GRM4: variants seen among roughly 807,000 people sequenced by gnomAD.
GRM4 encodes metabotropic glutamate receptor 4.
GRM4 carries 28 observed loss-of-function variants against 81.7 expected under a neutral mutation model. The observed-to-expected ratio is 0.34, with a 90% CI of 0.25 to 0.47. The LOEUF (loss-of-function observed/expected upper bound fraction) is 0.47, where lower values mean the gene tolerates loss of function less well. Among genes scored for constraint, GRM4 ranks in the 20% least tolerant of loss-of-function variants. The pLI, the probability that GRM4 is intolerant of heterozygous loss-of-function variation, is 1.00. For synonymous variants in GRM4, 488 were observed against 528.8 expected (o/e 0.92, Z 1.06); for missense variants, 948 against 1,290.0 (o/e 0.73, Z 4.06).
chr6:34,063,072 G>A (rs2127462999), intron 3 of GRM4: 1 of 152,218 alleles, frequency 6.6e-6, no homozygotes, highest in African/African-American at 2.4e-5. Context: ...GATTAATCTT[G>A]AAGCCGGTCT....
At position 34,089,751 on chromosome 6, in the gene GRM4, A is replaced by T. The variant is rs188867515; in HGVS notation, c.736+2132T>A. On this transcript the variant is annotated intron_variant, in intron 3 of 10. Coordinates refer to ENST00000538487, the MANE Select transcript of GRM4 (RefSeq NM_000841.4). This position sits in a 1 kb window ranked among gnomAD's most constrained non-coding sequence, Gnocchi z 4.3. ...GCCCAATACTTGATTAGATGTTGAT[A>T]AAAAAAAAATTAAACAATAGGCTTA... 8.0e-3 allele frequency among the ~76,000 whole-genome samples: 1,182 copies of T among 148,506 alleles called. 7 individuals carry two copies. Among genetic ancestry groups the T allele is most frequent in the South Asian group, 0.019 (88 of 4,740 alleles).
Position 34,035,782 on chromosome 6 carries a change from G to A in GRM4, c.2328C>T (p.Gly776=), listed in dbSNP as rs775983593. ...TGGCCTCATTGAAGGTCTCGGGCAC[G>A]CCGCGTGTCTTGATGGCATACACGG... ...TCTVYAIKTR[G]VPETFNEAKP... Residue 776 remains glycine (G), a synonymous_variant, in exon 9 of 11, where the codon GGC becomes GGT. Transcript: ENST00000538487. The surrounding 1 kb of genome is among the most constrained non-coding windows in gnomAD (Gnocchi z 6.6). 120 of 1,613,524 alleles carry A rather than the reference G, an allele frequency of 7.4e-5. 1 individual carries two copies. Among genetic ancestry groups the A allele is most frequent in the South Asian group, 4.5e-4 (41 of 91,070 alleles).
Position 34,091,863 on chromosome 6 carries a change from C to A in GRM4, c.736+20G>T, listed in dbSNP as rs766578330. On this transcript the variant is annotated intron_variant, in intron 3 of 10. Coordinates refer to ENST00000538487, the MANE Select transcript of GRM4 (RefSeq NM_000841.4). ...CACCCCCGAGCCTGGCATGACTCTGCGGCCAGGCGTTTGACTCACCGTCCT... is the reference window on the plus strand; with the variant it reads ...CACCCCCGAGCCTGGCATGACTCTGAGGCCAGGCGTTTGACTCACCGTCCT... 3.8e-6 allele frequency: 6 copies of A among 1,558,466 alleles called. No individual in the cohort carries two copies. The highest frequency in any genetic ancestry group is 1.4e-5 in the African/African-American group (1 of 73,940).
At chr6:34,097,469 C>A (rs1768597018) in intron 2 of GRM4, among the ~76,000 whole-genome samples, 1 of 151,780 alleles carries the variant, frequency 6.6e-6, no homozygotes, top group African/African-American at 2.4e-5. Context: ...ATGTGTGTAT[C>A]CAGGCACACA....
At chr6:34,041,259 G>T (rs1030756794) in intron 6 of GRM4, among the ~76,000 whole-genome samples, 1 of 152,152 alleles carries the variant, frequency 6.6e-6, no homozygotes. Context: ...CTCACCCCAG[G>T]GTATGGGTAG....
chr6:34,133,946 G>T lies in GRM4; in HGVS notation c.-363-87C>A. ...CTCATCTCTCATCAGGAGCCTGAGAGAAGGAGATGCTAGAGGTTATCGCCG... is the reference window on the plus strand; with the variant it reads ...CTCATCTCTCATCAGGAGCCTGAGATAAGGAGATGCTAGAGGTTATCGCCG... On this transcript the variant is annotated intron_variant, in intron 1 of 10. Transcript: ENST00000538487. This position sits in a 1 kb window ranked among gnomAD's most constrained non-coding sequence, Gnocchi z 6.5. The T allele has an allele frequency of 3.7e-6, 2 of 540,640 alleles. No individual in the cohort carries two copies. The highest frequency in any genetic ancestry group is 4.7e-6 in the Non-Finnish European group (2 of 421,640). The allele number at this position is 540,640 out of a possible 1,614,324, so 33.5% of individuals were successfully genotyped here. A position where few individuals can be genotyped will look rare whatever the true frequency, so the allele number is the denominator to read the frequency against.
Position 34,056,584 on chromosome 6 carries a change from G to A in GRM4, c.1128C>T (p.Arg376=). 1 of 1,613,458 alleles carries A rather than the reference G, an allele frequency of 6.2e-7. No individual in the cohort carries two copies. The highest frequency in any genetic ancestry group is 8.5e-7 in the Non-Finnish European group (1 of 1,179,922). The change falls in exon 6 of 11, where the codon CGC becomes CGT. Residue 376 remains arginine (R), a synonymous_variant. Coordinates refer to ENST00000538487, the MANE Select transcript of GRM4 (RefSeq NM_000841.4). ...WEDNFHCKLS[R]HALKKGSHVK... is the part of the protein sequence containing the mutation. ...CGTGGCTGCCCTTCTTGAGGGCGTGGCGGCTCAGCTTGCAGTGGAAGTTGT... is the reference window on the plus strand; with the variant it reads ...CGTGGCTGCCCTTCTTGAGGGCGTGACGGCTCAGCTTGCAGTGGAAGTTGT...
chr6:34,024,242 A>C (rs911836186), intron 10 of GRM4: 15 of 165,054 alleles, frequency 9.1e-5, no homozygotes, highest in Non-Finnish European at 1.5e-4. Flanking sequence ...TCCTCATGAA[A>C]TACACATGGA....
chr6:34,040,641 C>T lies in GRM4; in HGVS notation c.1276G>A (p.Asp426Asn), dbSNP rs961283554. 4.3e-6 allele frequency: 7 copies of T among 1,614,156 alleles called. No individual in the cohort carries two copies. In the East Asian group the frequency reaches 6.7e-5, roughly 15 times the overall value. ...AGCCCCACGCGGCCGGGACACAGGT[C>T]ACGGTGCATGGCGTGCAGCGCGTGG... ...MGHALHAMHR[D>N]LCPGRVGLCP... Residue 426 changes from aspartate to asparagine, a missense_variant, in exon 7 of 11, where the codon GAC becomes AAC. By Grantham distance (23) the Asp-to-Asn change is conservative. Transcript: ENST00000538487.
rs763559935 is a variant in GRM4, at chr6:34,152,920, G to A, written c.312+2159C>T. ...GGGCCTGCAGAGACCCAGGCTGGGG[G>A]TGGAGTAGGTGGCACACCGGAGCCC... On this transcript the variant is annotated intron_variant, in intron 1 of 8. Coordinates refer to the GRM4 transcript ENST00000374177. The surrounding 1 kb of genome is among the most constrained non-coding windows in gnomAD (Gnocchi z 4.1). 6.6e-6 allele frequency among the ~76,000 whole-genome samples: 1 copy of A among 152,116 alleles called. No individual in the cohort carries two copies. Among genetic ancestry groups the A allele is most frequent in the African/African-American group, 2.4e-5 (1 of 41,412 alleles).
rs1482315884 is a variant in GRM4, at chr6:34,042,804, T to C, written c.1169-2056A>G. The stretch of plus-strand genomic sequence containing the variant: ...AGGCAGACCCAGGGTGCAGGGGATC[T>C]CACTGCCTCTCCCTGAGGCAGTACC... On this transcript the variant is annotated intron_variant, in intron 6 of 10. Coordinates refer to ENST00000538487, the MANE Select transcript of GRM4 (RefSeq NM_000841.4). The surrounding 1 kb of genome is among the most constrained non-coding windows in gnomAD (Gnocchi z 4.2). 8.5e-5 allele frequency among the ~76,000 whole-genome samples: 13 copies of C among 152,224 alleles called. No homozygotes were observed. Among genetic ancestry groups the C allele is most frequent in the Admixed American group, 4.6e-4 (7 of 15,302 alleles).
rs796158102 is a variant in GRM4, at chr6:34,052,570, G to A, written c.1168+3974C>T. On this transcript the variant is annotated intron_variant, in intron 6 of 10. Coordinates refer to ENST00000538487, the MANE Select transcript of GRM4 (RefSeq NM_000841.4). ...GTGAGACCTTGAGCAGGGCAGGCCTGTGGGACTGAAACAGAGGCCGACTAT... is the reference window on the plus strand; with the variant it reads ...GTGAGACCTTGAGCAGGGCAGGCCTATGGGACTGAAACAGAGGCCGACTAT... Among the ~76,000 whole-genome samples, 2 of 152,354 alleles carry A rather than the reference G, an allele frequency of 1.3e-5. 1 individual carries two copies. The highest frequency in any genetic ancestry group is 4.8e-5 in the African/African-American group (2 of 41,574).
intron 2 of GRM4, among the ~76,000 whole-genome samples, chr6:34,108,643 G>A (rs961955664): frequency 6.6e-6 from 1 of 152,120 alleles, no homozygotes; most frequent in African/African-American, 2.4e-5. Flanking sequence ...CCTGATTTGG[G>A]GTGGGCCTCT....
upstream of GRM4, among the ~76,000 whole-genome samples, chr6:34,150,571 T>A (rs1169291936): frequency 6.6e-6 from 1 of 152,118 alleles, no homozygotes; most frequent in Non-Finnish European, 1.5e-5. Context: ...TCCAATTGTC[T>A]GCTCCAGAGT....
chr6:34,059,041 A>G lies in GRM4; in HGVS notation c.960T>C (p.Pro320=), dbSNP rs747764580. The G allele has an allele frequency of 6.2e-7, 1 of 1,613,822 alleles. No homozygotes were observed. Among genetic ancestry groups the G allele is most frequent in the Non-Finnish European group, 8.5e-7 (1 of 1,179,852 alleles). ...GSDSWGSKIA[P]VLHLEEVAEG... ...CAGCCACCTCCTCCAGGTGCAGCAC[A>G]GGTGCAATCTTGGAGCCCCAGCTGT... Residue 320 remains proline (P), a synonymous_variant, in exon 5 of 11, where the codon CCT becomes CCC. Coordinates refer to ENST00000538487, the MANE Select transcript of GRM4 (RefSeq NM_000841.4). This position sits in a 1 kb window ranked among gnomAD's most constrained non-coding sequence, Gnocchi z 5.7.
At chr6:34,040,135 C>G in intron 8 of GRM4, 43 bp downstream of exon 8, 1 of 1,597,250 alleles carries the variant, frequency 6.3e-7, no homozygotes, top group South Asian at 1.1e-5. Flanking sequence ...GGGGCTGGAA[C>G]TGCGTGAGTC....
At chr6:34,109,022 C>T (rs1465008890) in intron 2 of GRM4, among the ~76,000 whole-genome samples, 1 of 152,186 alleles carries the variant, frequency 6.6e-6, no homozygotes, top group Non-Finnish European at 1.5e-5. Flanking sequence ...AATTATCACC[C>T]GCCACTCGGG....
intron 10 of GRM4, among the ~76,000 whole-genome samples, chr6:34,027,567 A>G (rs559294287): frequency 1.3e-5 from 2 of 152,254 alleles, no homozygotes; most frequent in Admixed American, 6.5e-5. Context: ...CCGGGTCCCC[A>G]TAGCTCAGGT....
At chr6:34,029,176 C>A (rs1764288767) in intron 9 of GRM4, among the ~76,000 whole-genome samples, 1 of 152,194 alleles carries the variant, frequency 6.6e-6, no homozygotes. Context: ...CCTCCTCAGC[C>A]AAGGTGGGAC....
Sources: gnomAD v4.1 joint callset for allele counts (sites outside exome capture counted in the v4.1 genomes callset) on GRCh38, gnomAD v4.1.1 for gene constraint, Gnocchi (gnomAD v3.1) non-coding constraint, MANE v1.5 for transcripts, NCBI Gene and HGNC (gene_info 2026-07-23, HGNC 2026-07-21) for gene names.